SEMA3A: variants seen among roughly 807,000 people sequenced by gnomAD.
SEMA3A encodes the protein semaphorin 3A.
SEMA3A carries 29 observed loss-of-function variants against 97.9 expected under a neutral mutation model. The observed-to-expected ratio is 0.30, with a 90% CI of 0.22 to 0.40. SEMA3A has a LOEUF of 0.40. Among genes scored for constraint, SEMA3A ranks in the 10% least tolerant of loss-of-function variants. SEMA3A has a pLI of 1.00. For missense variants in SEMA3A, 763 were observed against 951.3 expected, an observed-to-expected ratio of 0.80 and a Z score of 2.60; for synonymous variants, 321 against 323.7, an observed-to-expected ratio of 0.99 and a Z score of 0.09.
chr7:84,194,282 T>G (rs974319375), intron 1 of SEMA3A, among the ~76,000 whole-genome samples, 193 bp downstream of exon 1: 1 of 152,004 alleles, frequency 6.6e-6, no homozygotes, highest in African/African-American at 2.4e-5. Context: ...TGCATTTAAG[T>G]TGTCATATAT....
chr7:84,101,211 C>G (rs1046856181), intron 4 of SEMA3A, among the ~76,000 whole-genome samples: 1 of 152,154 alleles, frequency 6.6e-6, no homozygotes, highest in Non-Finnish European at 1.5e-5. Context: ...TACAGCAAGA[C>G]TGTTAGATCC....
intron 3 of SEMA3A, among the ~76,000 whole-genome samples, chr7:84,297,608 T>C (rs1800903620): frequency 6.6e-6 from 1 of 152,112 alleles, no homozygotes; most frequent in African/African-American, 2.4e-5. Flanking sequence ...GATCTACAAG[T>C]CTCAATTTTG....
chr7:84,380,422 T>C (rs1216881968), intron 1 of SEMA3A, among the ~76,000 whole-genome samples: 1 of 152,154 alleles, frequency 6.6e-6, no homozygotes, highest in Non-Finnish European at 1.5e-5. Context: ...AGAAGTTCTT[T>C]TGTGTGATAT....
intron 11 of SEMA3A, among the ~76,000 whole-genome samples, chr7:84,004,261 G>T (rs1361407344): frequency 6.6e-6 from 1 of 151,774 alleles, no homozygotes; most frequent in African/African-American, 2.4e-5. Flanking sequence ...ATTAAAAAGA[G>T]CTGGGAAAAA....
At chr7:84,106,016 G>T (rs1562786008) in intron 4 of SEMA3A, among the ~76,000 whole-genome samples, 2 of 152,126 alleles carry the variant, frequency 1.3e-5, no homozygotes, top group Non-Finnish European at 2.9e-5. Context: ...TTAATTAATA[G>T]GTCTACCAAT....
At chr7:84,362,213 C>CTAAATAAA (rs545165551) in intron 2 of SEMA3A, among the ~76,000 whole-genome samples, 2 of 151,608 alleles carry the variant, frequency 1.3e-5, no homozygotes, top group South Asian at 2.1e-4. Context: ...GAACCCCATG[C>CTAAATAAA]TAAATAAATA....
At chr7:84,425,971 C>A (rs1049922008) in intron 1 of SEMA3A, among the ~76,000 whole-genome samples, 4 of 151,270 alleles carry the variant, frequency 2.6e-5, no homozygotes, top group Non-Finnish European at 5.9e-5. Flanking sequence ...AGTGAAGTAA[C>A]TCAGGAATGG....
chr7:84,216,908 T>C (rs963857409), intron 3 of SEMA3A, among the ~76,000 whole-genome samples: 1 of 152,084 alleles, frequency 6.6e-6, no homozygotes, highest in Admixed American at 6.6e-5. Flanking sequence ...TTTGGAAAAA[T>C]TGAGTCAAAA....
At chr7:84,401,390 T>C (rs987550283) in intron 1 of SEMA3A, among the ~76,000 whole-genome samples, 1 of 151,832 alleles carries the variant, frequency 6.6e-6, no homozygotes, top group Non-Finnish European at 1.5e-5. Context: ...TCCATTTTCA[T>C]GGATTGAAAG....
At chr7:84,461,428 T>C (rs1805836066) in intron 1 of SEMA3A, among the ~76,000 whole-genome samples, 2 of 151,852 alleles carry the variant, frequency 1.3e-5, no homozygotes, top group Non-Finnish European at 2.9e-5. Flanking sequence ...TTTTCCATCA[T>C]GAATATGTAT....
intron 1 of SEMA3A, among the ~76,000 whole-genome samples, chr7:84,421,087 G>A (rs993407998): frequency 3.3e-5 from 5 of 151,466 alleles, no homozygotes; most frequent in South Asian, 4.2e-4. Flanking sequence ...TTAGGGTTTC[G>A]GTTTTAGATC....
chr7:84,370,363 T>C (rs1452887014), intron 2 of SEMA3A, among the ~76,000 whole-genome samples: 1 of 151,740 alleles, frequency 6.6e-6, no homozygotes, highest in African/African-American at 2.4e-5. Flanking sequence ...GCAATGTGTG[T>C]ACACATAGGC....
At chr7:83,965,191 G>C (rs370484191) in intron 15 of SEMA3A, among the ~76,000 whole-genome samples, 1 of 150,736 alleles carries the variant, frequency 6.6e-6, no homozygotes, top group Non-Finnish European at 1.5e-5. Flanking sequence ...CGCCCGCCTC[G>C]GCCTCCCAAA....
intron 6 of SEMA3A, among the ~76,000 whole-genome samples, chr7:84,017,162 T>G (rs1243376195): frequency 6.6e-6 from 1 of 152,176 alleles, no homozygotes; most frequent in African/African-American, 2.4e-5. Context: ...AACAATATTT[T>G]ACATGTATAG....
At chr7:84,308,178 T>C (rs1801212614) in intron 2 of SEMA3A, among the ~76,000 whole-genome samples, 1 of 152,112 alleles carries the variant, frequency 6.6e-6, no homozygotes, top group Admixed American at 6.6e-5. Context: ...AACTATAGAA[T>C]ATTTCTATAT....
At chr7:84,474,741 C>T (rs1806235730) in intron 1 of SEMA3A, among the ~76,000 whole-genome samples, 1 of 152,002 alleles carries the variant, frequency 6.6e-6, no homozygotes, top group African/African-American at 2.4e-5. Flanking sequence ...ATCAGAACTG[C>T]TGCTGATGAT....
At chr7:84,155,614 C>T (rs531779050) in intron 1 of SEMA3A, among the ~76,000 whole-genome samples, 10 of 152,108 alleles carry the variant, frequency 6.6e-5, no homozygotes, top group Non-Finnish European at 5.9e-5. Flanking sequence ...CTGCTTTACA[C>T]TCATTATCTT....
chr7:84,262,957 G>A (rs1030878262), intron 3 of SEMA3A, among the ~76,000 whole-genome samples: 1 of 152,268 alleles, frequency 6.6e-6, no homozygotes, highest in Non-Finnish European at 1.5e-5. Flanking sequence ...AGGAAAACAT[G>A]TGGTTTGTTT....
intron 3 of SEMA3A, among the ~76,000 whole-genome samples, chr7:84,240,684 G>T (rs1433934173): frequency 6.6e-6 from 1 of 152,078 alleles, no homozygotes; most frequent in Non-Finnish European, 1.5e-5. Context: ...GTATACATGT[G>T]CCATGGTGGT....
Sources: allele counts gnomAD v4.1 joint callset (sites outside exome capture counted in the v4.1 genomes callset), GRCh38; gene constraint gnomAD v4.1.1; transcripts MANE v1.5; gene names NCBI Gene and HGNC (gene_info 2026-07-23, HGNC 2026-07-21).